The following ABTB2 variants were observed in gnomAD, a reference collection of about 807,000 sequenced individuals.
ABTB2 encodes the protein ankyrin repeat and BTB domain containing 2.
A neutral mutation model predicts 104.1 loss-of-function variants in ABTB2; 56 were observed. The observed-to-expected ratio is 0.54, with a 90% CI of 0.43 to 0.67. The LOEUF (loss-of-function observed/expected upper bound fraction) is 0.67. ABTB2 is among the 30% of genes least tolerant of loss of function. The pLI is 0.00. For synonymous variants in ABTB2, 606 were observed against 608.2 expected, an observed-to-expected ratio of 1.00 and a Z score of 0.05; for missense variants, 1,279 against 1,407.7, an observed-to-expected ratio of 0.91 and a Z score of 1.46.
intron 1 of ABTB2, among the ~76,000 whole-genome samples, chr11:34,311,833 C>G (rs564834707): frequency 1.3e-5 from 2 of 152,174 alleles, no homozygotes; most frequent in African/African-American, 4.8e-5. Context: ...TTCTAATGAC[C>G]CGTTCATTCA....
chr11:34,221,453 G>C (rs1853621561), intron 1 of ABTB2, among the ~76,000 whole-genome samples: 1 of 152,230 alleles, frequency 6.6e-6, no homozygotes, highest in Non-Finnish European at 1.5e-5. Context: ...TAAAGGTCAG[G>C]TTTTCTGTGA....
chr11:34,330,232 G>A (rs1036898473), intron 1 of ABTB2, among the ~76,000 whole-genome samples: 4 of 152,132 alleles, frequency 2.6e-5, no homozygotes, highest in Non-Finnish European at 5.9e-5. Context: ...GGGAGAATAG[G>A]AGCCAGTACT....
intron 1 of ABTB2, among the ~76,000 whole-genome samples, chr11:34,206,603 C>T (rs1025367441): frequency 2.0e-5 from 3 of 152,172 alleles, no homozygotes; most frequent in African/African-American, 7.2e-5. Flanking sequence ...TCATGGCTGT[C>T]CTTATGTGTG....
intron 9 of ABTB2, 101 bp from the exon 10 acceptor site, chr11:34,162,906 G>A (rs1852743975): frequency 3.5e-6 from 4 of 1,140,404 alleles, no homozygotes; most frequent in Non-Finnish European, 4.9e-6. Context: ...GGCTGCTCTG[G>A]GGTACCCGAG....
At position 34,204,534 on chromosome 11, in the gene ABTB2, C is replaced by G; in HGVS notation, c.1030+10G>C. The G allele has an allele frequency of 6.3e-7, 1 of 1,596,420 alleles. No homozygotes were observed. Among genetic ancestry groups the G allele is most frequent in the Non-Finnish European group, 8.5e-7 (1 of 1,172,502 alleles). ...TCTACCATCCAGCTAGACACTGAGGCCACACTTACTCAGCTCCGAGATGCT... is the reference window on the plus strand; with the variant it reads ...TCTACCATCCAGCTAGACACTGAGGGCACACTTACTCAGCTCCGAGATGCT... On this transcript the variant is annotated intron_variant, in intron 2 of 16. Transcript: ENST00000435224.
At chr11:34,255,227 C>T (rs1854106525) in intron 1 of ABTB2, among the ~76,000 whole-genome samples, 1 of 152,188 alleles carries the variant, frequency 6.6e-6, no homozygotes, top group South Asian at 2.1e-4. Flanking sequence ...GTGATCTTCT[C>T]CTAAACTTGA....
intron 1 of ABTB2, among the ~76,000 whole-genome samples, chr11:34,219,011 A>G (rs2133049212): frequency 6.6e-6 from 1 of 151,134 alleles, no homozygotes; most frequent in African/African-American, 2.4e-5. Context: ...TCATTCATTC[A>G]CTTATCCAAA....
At chr11:34,164,913 G>T in intron 8 of ABTB2, 92 bp from the exon 9 acceptor site, 1 of 1,444,528 alleles carries the variant, frequency 6.9e-7, no homozygotes, top group Non-Finnish European at 9.3e-7. Context: ...GATTCTCGCA[G>T]CTCTGAGTGC....
chr11:34,230,200 A>G (rs1053890254), intron 1 of ABTB2, among the ~76,000 whole-genome samples: 1 of 152,228 alleles, frequency 6.6e-6, no homozygotes, highest in African/African-American at 2.4e-5. Flanking sequence ...TGATCAGAGC[A>G]GGGGGACCGG....
At chr11:34,305,027 C>T (rs1351794157) in intron 1 of ABTB2, among the ~76,000 whole-genome samples, 1 of 152,218 alleles carries the variant, frequency 6.6e-6, no homozygotes, top group Non-Finnish European at 1.5e-5. Flanking sequence ...AAGCCTAATA[C>T]CTAAGCAAGG....
At position 34,332,706 on chromosome 11, in the gene ABTB2, A is replaced by G. The variant is rs774582827; in HGVS notation, c.883+23995T>C. ...CCGCTGTCCAGCAATGCCTCTGTTGATTTTGCTAATAGAGCAAACAGACCC... is the reference window on the plus strand; with the variant it reads ...CCGCTGTCCAGCAATGCCTCTGTTGGTTTTGCTAATAGAGCAAACAGACCC... On this transcript the variant is annotated intron_variant, in intron 1 of 16. Transcript: ENST00000435224. Among the ~76,000 whole-genome samples the G allele has an allele frequency of 2.6e-5, 4 of 152,028 alleles. No homozygotes were observed. In the East Asian group the frequency reaches 7.7e-4, roughly 29 times the overall value.
chr11:34,292,363 TG>T (rs1854573058), intron 1 of ABTB2, among the ~76,000 whole-genome samples: 1 of 152,204 alleles, frequency 6.6e-6, no homozygotes, highest in South Asian at 2.1e-4. Context: ...GTTAAGATGT[TG>T]GCCTTGGCCT....
chr11:34,350,373 C>A (rs942722935), intron 1 of ABTB2, among the ~76,000 whole-genome samples: 1 of 152,238 alleles, frequency 6.6e-6, no homozygotes, highest in African/African-American at 2.4e-5. Context: ...GCTGAGCTGA[C>A]CCGCCCATCC....
At chr11:34,270,312 A>G (rs1288244438) in intron 1 of ABTB2, among the ~76,000 whole-genome samples, 2 of 150,942 alleles carry the variant, frequency 1.3e-5, no homozygotes, top group Non-Finnish European at 2.9e-5. Context: ...GAAAACATCT[A>G]ATCTGTTCAC....
At chr11:34,239,991 G>A (rs1453435771) in intron 1 of ABTB2, among the ~76,000 whole-genome samples, 3 of 152,226 alleles carry the variant, frequency 2.0e-5, no homozygotes, top group South Asian at 4.1e-4. Context: ...TCACTTAATA[G>A]TCAGGTGGAG....
intron 1 of ABTB2, among the ~76,000 whole-genome samples, chr11:34,338,917 G>A (rs1253674351): frequency 2.0e-5 from 3 of 152,174 alleles, no homozygotes; most frequent in Admixed American, 1.3e-4. Context: ...ATGGTAGCAA[G>A]AGCACTCCCT....
intron 1 of ABTB2, among the ~76,000 whole-genome samples, chr11:34,333,323 T>C (rs1025718083): frequency 4.6e-5 from 7 of 152,182 alleles, no homozygotes; most frequent in Admixed American, 2.6e-4. Flanking sequence ...CATAGCGGCA[T>C]GTCTGGGTAA....
At chr11:34,339,382 C>A (rs1855235089) in intron 1 of ABTB2, among the ~76,000 whole-genome samples, 2 of 152,206 alleles carry the variant, frequency 1.3e-5, no homozygotes, top group Admixed American at 1.3e-4. Context: ...CTTCTGAGGC[C>A]TGAGGGGCTG....
intron 1 of ABTB2, among the ~76,000 whole-genome samples, chr11:34,295,575 T>A (rs1389764120): frequency 6.6e-6 from 1 of 152,106 alleles, no homozygotes; most frequent in Non-Finnish European, 1.5e-5. Flanking sequence ...ATGAATGGGA[T>A]GGTCAGGCTA....
Sources: gnomAD v4.1 joint callset for allele counts (sites outside exome capture counted in the v4.1 genomes callset) on GRCh38, gnomAD v4.1.1 for gene constraint, MANE v1.5 for transcripts, NCBI Gene and HGNC (gene_info 2026-07-23, HGNC 2026-07-21) for gene names.